TAFA5: variants seen among roughly 807,000 people sequenced by gnomAD.
The protein encoded by TAFA5 is TAFA chemokine like family member 5.
In TAFA5, 6 loss-of-function variants were observed where a neutral mutation model predicts 15.3. The observed-to-expected ratio is 0.39, with a 90% CI of 0.21 to 0.77. TAFA5 has a LOEUF of 0.77. Ranked by LOEUF, TAFA5 falls within the 30% of genes least tolerant of loss-of-function variation. TAFA5 has a pLI of 0.41. For missense variants in TAFA5, 161 were observed against 193.1 expected (o/e 0.83, Z 0.98); for synonymous variants, 103 against 80.7 (o/e 1.28, Z -1.48).
intron 2 of TAFA5, among the ~76,000 whole-genome samples, chr22:48,674,671 G>A (rs926928786): frequency 6.9e-6 from 1 of 144,200 alleles, no homozygotes; most frequent in African/African-American, 2.4e-5. Flanking sequence ...ACAGTGGGAG[G>A]TCCACACCCC....
At chr22:48,631,937 C>T (rs926134405) in intron 1 of TAFA5, among the ~76,000 whole-genome samples, 2 of 152,156 alleles carry the variant, frequency 1.3e-5, no homozygotes, top group Non-Finnish European at 2.9e-5. Flanking sequence ...TGCAGACATG[C>T]GTGCCCACCT....
chr22:48,602,278 C>T (rs1172348155), intron 1 of TAFA5, among the ~76,000 whole-genome samples: 1 of 152,228 alleles, frequency 6.6e-6, no homozygotes, highest in East Asian at 1.9e-4. Context: ...TACAGGCACC[C>T]ACCTTTCCGG....
chr22:48,523,086 G>A (rs894103121), intron 1 of TAFA5, among the ~76,000 whole-genome samples: 33 of 152,332 alleles, frequency 2.2e-4, no homozygotes, highest in African/African-American at 7.5e-4. Flanking sequence ...GGATGGGGGC[G>A]GCCAGGGAGC....
chr22:48,707,825 G>A lies in TAFA5; in HGVS notation c.371G>A (p.Gly124Glu). The stretch of plus-strand genomic sequence containing the variant: ...GGCTGGACGTGCACGCAGCCCGGCG[G>A]GAGGATAAAGACCACCACGGTATGT... ...RSGWTCTQPG[G>E]RIKTTTVS The change falls in exon 3 of 4, where the codon GGG (glycine) becomes GAG (glutamate). Residue 124 changes from glycine (G) to glutamate (E), a missense_variant. By Grantham distance (98) the Gly-to-Glu change is moderately conservative. Transcript: ENST00000402357. 1 of 1,613,598 alleles carries A rather than the reference G, an allele frequency of 6.2e-7. No homozygotes were observed. Among genetic ancestry groups the A allele is most frequent in the Non-Finnish European group, 8.5e-7 (1 of 1,179,802 alleles).
chr22:48,623,736 G>A (rs567085985), intron 1 of TAFA5, among the ~76,000 whole-genome samples: 4 of 152,212 alleles, frequency 2.6e-5, no homozygotes, highest in Non-Finnish European at 2.9e-5. Context: ...GGCTCCTCAC[G>A]GTGCACGTCA....
rs1411092441 is a variant in TAFA5, at chr22:48,607,555, C to A, written c.113-39042C>A. Among the ~76,000 whole-genome samples the A allele has an allele frequency of 4.4e-5, 3 of 67,434 alleles. No individual in the cohort carries two copies. In the Admixed American group the frequency reaches 5.1e-4, roughly 12 times the overall value. The allele number at this position is 67,434 out of a possible 152,430, so 44.2% of individuals were successfully genotyped here. ...AGGTCTGTCCTGGGTTCTGATTAGG[C>A]CTGGCCCACCCATCCCAGGTACCTC... On this transcript the variant is annotated intron_variant, in intron 1 of 3. Transcript: ENST00000402357.
chr22:48,520,070 G>A (rs991584898), intron 1 of TAFA5, among the ~76,000 whole-genome samples: 2 of 152,238 alleles, frequency 1.3e-5, no homozygotes, highest in Non-Finnish European at 2.9e-5. Flanking sequence ...AAGACGCCCT[G>A]TGGAAACGGA....
intron 1 of TAFA5, among the ~76,000 whole-genome samples, chr22:48,517,856 G>A (rs562708616): frequency 9.2e-4 from 140 of 152,342 alleles, no homozygotes; most frequent in African/African-American, 3.2e-3. Context: ...AGGCACGGCC[G>A]GGTGGGGGTG....
intron 1 of TAFA5, among the ~76,000 whole-genome samples, chr22:48,638,339 A>G (rs1926529163): frequency 1.7e-5 from 1 of 58,640 alleles, no homozygotes; most frequent in Admixed American, 2.3e-4. Flanking sequence ...GCCCTGGGCC[A>G]CACACAGGCA....
chr22:48,570,273 C>T (rs1019906877), intron 1 of TAFA5, among the ~76,000 whole-genome samples: 2 of 152,238 alleles, frequency 1.3e-5, no homozygotes, highest in Admixed American at 1.3e-4. Context: ...TATACCACTT[C>T]TTCCTTTTCC....
At chr22:48,699,454 G>A (rs1194966457) in intron 2 of TAFA5, among the ~76,000 whole-genome samples, 1 of 152,194 alleles carries the variant, frequency 6.6e-6, no homozygotes, top group Non-Finnish European at 1.5e-5. Context: ...ATGCTTCTCG[G>A]TGACAGGGCA....
chr22:48,672,946 G>C (rs57232033), intron 2 of TAFA5, among the ~76,000 whole-genome samples: 1 of 152,156 alleles, frequency 6.6e-6, no homozygotes, highest in Non-Finnish European at 1.5e-5. Flanking sequence ...TTGGTGCTCA[G>C]AGCCCTGGAT....
At chr22:48,622,761 G>T (rs375813327) in intron 1 of TAFA5, among the ~76,000 whole-genome samples, 12 of 152,368 alleles carry the variant, frequency 7.9e-5, no homozygotes, top group African/African-American at 2.9e-4. Context: ...GGCTCAGCTT[G>T]TGTGGCCGCC....
chr22:48,495,816 C>T (rs376772276), intron 1 of TAFA5, among the ~76,000 whole-genome samples: 2 of 152,230 alleles, frequency 1.3e-5, no homozygotes, highest in African/African-American at 4.8e-5. Flanking sequence ...GGCTCTCACC[C>T]TCTCCCCTGG....
intron 3 of TAFA5, among the ~76,000 whole-genome samples, chr22:48,734,524 G>C (rs79458871): frequency 6.6e-6 from 1 of 152,220 alleles, no homozygotes; most frequent in Non-Finnish European, 1.5e-5. Flanking sequence ...GAGAGGAGCC[G>C]TCTGGGCTCT....
At chr22:48,661,350 C>T (rs1927433047) in intron 2 of TAFA5, among the ~76,000 whole-genome samples, 1 of 152,212 alleles carries the variant, frequency 6.6e-6, no homozygotes, top group Admixed American at 6.5e-5. Context: ...CCCACGTTTA[C>T]AGAAGAAGGC....
At chr22:48,650,557 C>T (rs1037820666) in intron 2 of TAFA5, among the ~76,000 whole-genome samples, 1 of 152,144 alleles carries the variant, frequency 6.6e-6, no homozygotes, top group African/African-American at 2.4e-5. Flanking sequence ...ACCAGAAATG[C>T]TTCTCTTTGT....
chr22:48,522,272 T>C (rs1442081641), intron 1 of TAFA5, among the ~76,000 whole-genome samples: 3 of 150,700 alleles, frequency 2.0e-5, no homozygotes, highest in Non-Finnish European at 3.0e-5. Flanking sequence ...TTCTGGGCCT[T>C]GTATCTGTAG....
At chr22:48,629,388 A>G (rs1926134974) in intron 1 of TAFA5, among the ~76,000 whole-genome samples, 1 of 152,156 alleles carries the variant, frequency 6.6e-6, no homozygotes, top group Admixed American at 6.5e-5. Context: ...GGCACTGTGG[A>G]GCACAGCTGA....
Sources: gnomAD v4.1 joint callset for allele counts (sites outside exome capture counted in the v4.1 genomes callset) on GRCh38, gnomAD v4.1.1 for gene constraint, MANE v1.5 for transcripts, NCBI Gene and HGNC (gene_info 2026-07-23, HGNC 2026-07-21) for gene names.